GRM1: variants seen among roughly 807,000 people sequenced by gnomAD.
The protein encoded by GRM1 is metabotropic glutamate receptor 1.
Under a neutral mutation model 90.9 loss-of-function variants are expected in GRM1, and 33 were observed. The observed-to-expected ratio is 0.36, with a 90% CI of 0.28 to 0.49. The LOEUF (loss-of-function observed/expected upper bound fraction) is 0.49. Among genes scored for constraint, GRM1 ranks in the 20% least tolerant of loss-of-function variants. The pLI is 0.99. For missense variants in GRM1, 1,190 were observed against 1,534.3 expected, an observed-to-expected ratio of 0.78 and a Z score of 3.75; for synonymous variants, 700 against 613.2, an observed-to-expected ratio of 1.14 and a Z score of -2.09.
chr6:146,283,007 AT>A (rs2114859977), intron 2 of GRM1, among the ~76,000 whole-genome samples: 1 of 152,312 alleles, frequency 6.6e-6, no homozygotes, highest in South Asian at 2.1e-4. Context: ...GAGGTACAGT[AT>A]TTTGTACAGT....
At chr6:146,170,060 T>G (rs1359494275) in intron 2 of GRM1, among the ~76,000 whole-genome samples, 1 of 151,520 alleles carries the variant, frequency 6.6e-6, no homozygotes, top group Non-Finnish European at 1.5e-5. Context: ...GGCTAACAAC[T>G]TTTTTTTCCC....
chr6:146,163,959 G>A (rs2128892502), intron 2 of GRM1, among the ~76,000 whole-genome samples: 1 of 152,048 alleles, frequency 6.6e-6, no homozygotes. Flanking sequence ...TGCACACCAG[G>A]CTTTATCTAT....
At chr6:146,277,149 G>T (rs1369017304) in intron 2 of GRM1, among the ~76,000 whole-genome samples, 1 of 152,040 alleles carries the variant, frequency 6.6e-6, no homozygotes, top group Non-Finnish European at 1.5e-5. Flanking sequence ...ATACAATAAA[G>T]TTTCCCAGCA....
At chr6:146,400,577 T>A (rs1777122332) in intron 7 of GRM1, among the ~76,000 whole-genome samples, 1 of 152,178 alleles carries the variant, frequency 6.6e-6, no homozygotes, top group Non-Finnish European at 1.5e-5. Context: ...CCTTTTTCTA[T>A]TTTGAGAAGA....
At chr6:146,230,344 T>C (rs1183760518) in intron 2 of GRM1, among the ~76,000 whole-genome samples, 2 of 152,194 alleles carry the variant, frequency 1.3e-5, no homozygotes, top group African/African-American at 4.8e-5. Flanking sequence ...AATTAAAATA[T>C]GGGCCAAAGG....
chr6:146,281,273 G>A (rs1346808072), intron 2 of GRM1, among the ~76,000 whole-genome samples: 1 of 152,072 alleles, frequency 6.6e-6, no homozygotes, highest in Non-Finnish European at 1.5e-5. Flanking sequence ...AGAGACTCAG[G>A]GACCAGGATT....
At chr6:146,432,242 A>T (rs1046588221) in intron 7 of GRM1, among the ~76,000 whole-genome samples, 3 of 152,206 alleles carry the variant, frequency 2.0e-5, no homozygotes, top group Non-Finnish European at 4.4e-5. Flanking sequence ...TATATGGAGG[A>T]ACTACCTATT....
chr6:146,305,286 T>C (rs543770149), intron 3 of GRM1, among the ~76,000 whole-genome samples: 1 of 151,958 alleles, frequency 6.6e-6, no homozygotes, highest in African/African-American at 2.4e-5. Flanking sequence ...CCAACAAAAG[T>C]GTTTGTGGGC....
chr6:146,066,794 G>GAA (rs1491037602), intron 1 of GRM1, among the ~76,000 whole-genome samples: 2 of 147,580 alleles, frequency 1.4e-5, no homozygotes, highest in African/African-American at 2.5e-5. Flanking sequence ...GAGAGAGAGA[G>GAA]AACACAGTAA....
chr6:146,296,243 G>T (rs1190494838), intron 2 of GRM1, among the ~76,000 whole-genome samples: 1 of 152,190 alleles, frequency 6.6e-6, no homozygotes, highest in Non-Finnish European at 1.5e-5. Flanking sequence ...CCAGTAATGG[G>T]ATTGCTGGGT....
intron 3 of GRM1, among the ~76,000 whole-genome samples, chr6:146,307,250 T>A (rs1783610380): frequency 6.6e-6 from 1 of 152,222 alleles, no homozygotes; most frequent in Non-Finnish European, 1.5e-5. Flanking sequence ...AAGAGCTTCT[T>A]ATATGATTAC....
At chr6:146,053,122 A>G (rs994565123) in intron 1 of GRM1, among the ~76,000 whole-genome samples, 4 of 151,940 alleles carry the variant, frequency 2.6e-5, no homozygotes, top group African/African-American at 9.7e-5. Context: ...CTTCTTTTAT[A>G]CCCCTGGTTT....
At chr6:146,093,025 T>C (rs1048387654) in intron 1 of GRM1, among the ~76,000 whole-genome samples, 1 of 152,112 alleles carries the variant, frequency 6.6e-6, no homozygotes, top group African/African-American at 2.4e-5. Context: ...AGGACTAGAA[T>C]TTTCCACCAC....
intron 3 of GRM1, among the ~76,000 whole-genome samples, chr6:146,349,231 T>A (rs964020465): frequency 1.5e-4 from 15 of 100,490 alleles, no homozygotes; most frequent in African/African-American, 6.3e-4. Context: ...CATGCCCGGC[T>A]ATTTTTTTTT....
chr6:146,175,434 A>G (rs1296733763), intron 2 of GRM1, among the ~76,000 whole-genome samples: 1 of 152,148 alleles, frequency 6.6e-6, no homozygotes, highest in Non-Finnish European at 1.5e-5. Flanking sequence ...AATGTCATCT[A>G]TTTTAAAAGC....
chr6:146,250,686 A>T (rs1398293929), intron 2 of GRM1, among the ~76,000 whole-genome samples: 1 of 152,226 alleles, frequency 6.6e-6, no homozygotes, highest in Non-Finnish European at 1.5e-5. Context: ...AAACTGAGTC[A>T]CAGATAAGTA....
chr6:146,115,392 C>T (rs562542220), intron 1 of GRM1, among the ~76,000 whole-genome samples: 27 of 152,122 alleles, frequency 1.8e-4, no homozygotes, highest in Middle Eastern at 6.8e-3. Context: ...CACGTGGCAG[C>T]TAGTATTGCA....
chr6:146,118,130 T>C (rs1434707903), intron 1 of GRM1, among the ~76,000 whole-genome samples: 2 of 145,468 alleles, frequency 1.4e-5, no homozygotes, highest in African/African-American at 5.0e-5. Flanking sequence ...TATTCTTTTT[T>C]TCTTCTTTTC....
intron 6 of GRM1, among the ~76,000 whole-genome samples, chr6:146,393,669 T>A (rs1776816533): frequency 6.6e-6 from 1 of 152,150 alleles, no homozygotes; most frequent in Non-Finnish European, 1.5e-5. Context: ...AGCATCAGTA[T>A]CGTGAAAATG....
Sources: allele counts gnomAD v4.1 joint callset (sites outside exome capture counted in the v4.1 genomes callset), GRCh38; gene constraint gnomAD v4.1.1; transcripts MANE v1.5; gene names NCBI Gene and HGNC (gene_info 2026-07-23, HGNC 2026-07-21).